The following TXK variants were observed in gnomAD, a reference collection of about 807,000 sequenced individuals.
TXK encodes tyrosine-protein kinase TXK.
Under a neutral mutation model 81.0 loss-of-function variants are expected in TXK, and 60 were observed. The observed-to-expected ratio is 0.74, with a 90% confidence interval of 0.60 to 0.92. The LOEUF is 0.92. Ranked by LOEUF, TXK falls within the 40% of genes least tolerant of loss-of-function variation. The pLI, the probability that TXK is intolerant of heterozygous loss-of-function variation, is 0.00. For missense variants in TXK, 581 were observed against 638.3 expected (o/e 0.91, Z 0.97); for synonymous variants, 203 against 210.7 (o/e 0.96, Z 0.32).
intron 4 of TXK, among the ~76,000 whole-genome samples, chr4:48,111,904 T>C (rs996249824): frequency 5.3e-5 from 8 of 152,214 alleles, no homozygotes; most frequent in South Asian, 2.1e-4. Context: ...AAACTAGTCA[T>C]TCTAGAAACA....
At chr4:48,115,954 A>G (rs1718801467) in intron 1 of TXK, among the ~76,000 whole-genome samples, 1 of 152,234 alleles carries the variant, frequency 6.6e-6, no homozygotes, top group African/African-American at 2.4e-5. Flanking sequence ...ATCCGAAAAT[A>G]TTCTGGAGGC....
chr4:48,084,430 T>C (rs1717429657), intron 10 of TXK, among the ~76,000 whole-genome samples: 1 of 152,136 alleles, frequency 6.6e-6, no homozygotes, highest in Non-Finnish European at 1.5e-5. Context: ...TTTCAAGAAT[T>C]CTCTCATTAT....
intron 1 of TXK, among the ~76,000 whole-genome samples, chr4:48,123,396 T>C (rs1400553043): frequency 6.6e-6 from 1 of 152,202 alleles, no homozygotes; most frequent in Admixed American, 6.5e-5. Flanking sequence ...AACCATTCTG[T>C]TGCTTCCCCT....
At chr4:48,100,446 TA>T (rs1012729340) in intron 6 of TXK, among the ~76,000 whole-genome samples, 1 of 152,020 alleles carries the variant, frequency 6.6e-6, no homozygotes, top group South Asian at 2.1e-4. Flanking sequence ...ATTTAGCATA[TA>T]AAAAATGCTT....
At chr4:48,091,822 A>C (rs2109430164) in intron 8 of TXK, among the ~76,000 whole-genome samples, 1 of 152,312 alleles carries the variant, frequency 6.6e-6, no homozygotes. Flanking sequence ...CATTTCTGAT[A>C]GATCACTCTG....
intron 8 of TXK, among the ~76,000 whole-genome samples, chr4:48,092,483 T>C (rs1185590450): frequency 1.3e-5 from 2 of 152,146 alleles, no homozygotes; most frequent in East Asian, 3.8e-4. Context: ...ATATGGAGTG[T>C]TGAAAGCAGA....
chr4:48,112,366 T>C lies in TXK; in HGVS notation c.321A>G (p.Glu107=). ...EPCNLALRRA[E]EYLILEKYNP... ...TGTATTTCTCCAGTATCAGGTATTC[T>C]TCTGCTCTCCTTAAGGCTAAATTAC... Residue 107 remains glutamate (E), a synonymous_variant, in exon 4 of 15, where the codon GAA becomes GAG. Transcript: ENST00000264316. 3 of 1,614,224 alleles carry C rather than the reference T, an allele frequency of 1.9e-6. No homozygotes were observed. The highest frequency in any genetic ancestry group is 2.5e-6 in the Non-Finnish European group (3 of 1,180,030).
chr4:48,086,756 G>A, intron 9 of TXK, 119 bp from the exon 10 acceptor site: 3 of 914,006 alleles, frequency 3.3e-6, no homozygotes, highest in Non-Finnish European at 4.9e-6. Flanking sequence ...GTATAAAGTG[G>A]AGAGGATATG....
intron 1 of TXK, 33 bp downstream of exon 1, chr4:48,134,122 C>G (rs1560366377): frequency 6.2e-7 from 1 of 1,611,976 alleles, no homozygotes; most frequent in East Asian, 2.2e-5. Context: ...AGAACAAGCC[C>G]CAAAAATAAA....
Position 48,080,122 on chromosome 4 carries a change from T to C in TXK, c.963A>G (p.Leu321=). 1 of 1,611,936 alleles carries C rather than the reference T, an allele frequency of 6.2e-7. No individual in the cohort carries two copies. The highest frequency in any genetic ancestry group is 8.5e-7 in the Non-Finnish European group (1 of 1,178,094). Residue 321 remains leucine (L), a synonymous_variant, in exon 11 of 15, where the codon TTA becomes TTG. Coordinates refer to ENST00000264316, the MANE Select transcript of TXK (RefSeq NM_003328.3). ...AAAGTTGCACTAGCTTTGAATGAGA[T>C]AATTTCCTGGTGAAGAAAAACATAC... ...FIEEAKVMMK[L]SHSKLVQLYG...
Position 48,094,058 on chromosome 4 carries a change from C to G in TXK, c.709+19G>C, listed in dbSNP as rs749899521. 3 of 1,612,994 alleles carry G rather than the reference C, an allele frequency of 1.9e-6. No individual in the cohort carries two copies. In the South Asian group the frequency reaches 3.3e-5, roughly 18 times the overall value. On this transcript the variant is annotated intron_variant, in intron 8 of 14. Transcript: ENST00000264316. ...GGGCATGGCTCCCTGACTCACCCAG[C>G]TGGAAGTTCCCCTCTTACCGGCTGC...
chr4:48,133,846 C>A (rs1214646959), intron 1 of TXK, among the ~76,000 whole-genome samples: 3 of 152,196 alleles, frequency 2.0e-5, no homozygotes, highest in African/African-American at 7.2e-5. Context: ...CAGCCCAGAG[C>A]TCATTACAGT....
chr4:48,104,766 A>T, intron 6 of TXK, 135 bp downstream of exon 6: 1 of 638,754 alleles, frequency 1.6e-6, no homozygotes, highest in Non-Finnish European at 2.7e-6. Context: ...ACAACTTCAC[A>T]TAAAATATAT....
chr4:48,085,176 G>C (rs939202806), intron 10 of TXK, among the ~76,000 whole-genome samples: 16 of 152,112 alleles, frequency 1.1e-4, no homozygotes, highest in Non-Finnish European at 7.4e-5. Context: ...CCACAGAAAT[G>C]GGTTCAACTG....
intron 4 of TXK, among the ~76,000 whole-genome samples, chr4:48,111,963 G>GA (rs1186107371): frequency 6.6e-6 from 1 of 152,146 alleles, no homozygotes. Flanking sequence ...AGCTTAACAG[G>GA]AAAAAACTGA....
Position 48,119,166 on chromosome 4 carries a change from A to G in TXK, c.17-4764T>C, listed in dbSNP as rs77071698. ...ACCCAGAGGGCTTAGGAGGACATTG[A>G]ACTAACCCTTACAGATTTTTGTTTC... On this transcript the variant is annotated intron_variant, in intron 1 of 14. Transcript: ENST00000264316. Among the ~76,000 whole-genome samples, 920 of 152,304 alleles carry G rather than the reference A, an allele frequency of 6.0e-3. 10 individuals carry two copies. The highest frequency in any genetic ancestry group is 0.021 in the African/African-American group (859 of 41,550).
chr4:48,081,862 A>G (rs770296001), intron 10 of TXK, among the ~76,000 whole-genome samples: 1 of 152,144 alleles, frequency 6.6e-6, no homozygotes, highest in African/African-American at 2.4e-5. Flanking sequence ...AAATGGTGCC[A>G]TCCTTCGCCT....
chr4:48,077,917 T>A (rs1452428899), intron 11 of TXK, among the ~76,000 whole-genome samples: 1 of 152,178 alleles, frequency 6.6e-6, no homozygotes, highest in East Asian at 1.9e-4. Context: ...GGAGACAATA[T>A]TTCAACCCAG....
intron 12 of TXK, among the ~76,000 whole-genome samples, chr4:48,074,982 T>G (rs1030761542): frequency 6.6e-6 from 1 of 152,060 alleles, no homozygotes; most frequent in African/African-American, 2.4e-5. Context: ...AAATGGGCCA[T>G]GAACAGGAGT....
Sources: allele counts gnomAD v4.1 joint callset (sites outside exome capture counted in the v4.1 genomes callset), GRCh38; gene constraint gnomAD v4.1.1; transcripts MANE v1.5; gene names NCBI Gene and HGNC (gene_info 2026-07-23, HGNC 2026-07-21).